The following LRRC8B variants were observed in gnomAD, a reference collection of about 807,000 sequenced individuals.
The protein encoded by LRRC8B is leucine rich repeat containing 8 VRAC subunit B.
A neutral mutation model predicts 58.8 loss-of-function variants in LRRC8B; 23 were observed. The ratio of observed to expected loss-of-function variants is 0.39; its 90% CI spans 0.28 to 0.55. The LOEUF (loss-of-function observed/expected upper bound fraction) is 0.55. Among genes scored for constraint, LRRC8B ranks in the 20% least tolerant of loss-of-function variants. LRRC8B has a pLI of 0.62. For synonymous variants in LRRC8B, 359 were observed against 374.1 expected, an observed-to-expected ratio of 0.96 and a Z score of 0.47; for missense variants, 694 against 936.0, an observed-to-expected ratio of 0.74 and a Z score of 3.37.
chr1:89,539,150 C>T (rs1479721247), intron 1 of LRRC8B, among the ~76,000 whole-genome samples: 1 of 152,072 alleles, frequency 6.6e-6, no homozygotes, highest in Non-Finnish European at 1.5e-5. Context: ...GCAAAGAAAA[C>T]CTATTTTTCT....
chr1:89,530,337 C>T (rs565884453), intron 1 of LRRC8B, among the ~76,000 whole-genome samples: 1 of 150,528 alleles, frequency 6.6e-6, no homozygotes, highest in South Asian at 2.1e-4. Flanking sequence ...CCAGCCTGGG[C>T]GACAGAGCAA....
At position 89,597,701 on chromosome 1, in the gene LRRC8B, G is replaced by A. The variant is rs928772951; in HGVS notation, c.*4658G>A. 1.3e-5 allele frequency: 2 copies of A among 152,058 alleles called. No homozygotes were observed. Among genetic ancestry groups the A allele is most frequent in the African/African-American group, 4.8e-5 (2 of 41,394 alleles). The allele number at this position is 152,058 out of a possible 1,614,324, so 9.4% of individuals were successfully genotyped here. On this transcript the variant is annotated 3_prime_UTR_variant, in exon 6 of 6. Transcript: ENST00000330947. ...TGGAAGATTTTGTTCAATGTTTTTG[G>A]CCCTCAGGTTTACTGTGTAAATCTG...
chr1:89,588,785 G>T (rs1172563195), intron 5 of LRRC8B, among the ~76,000 whole-genome samples: 1 of 152,210 alleles, frequency 6.6e-6, no homozygotes, highest in African/African-American at 2.4e-5. Context: ...TTTAAAACAA[G>T]AGACAAAGAC....
intron 1 of LRRC8B, chr1:89,558,817 C>A (rs1044010546): frequency 6.6e-6 from 1 of 152,174 alleles, no homozygotes. Flanking sequence ...AGAGAACTTA[C>A]CCCTTCAAGC....
At chr1:89,536,924 A>G (rs1234999024) in intron 1 of LRRC8B, among the ~76,000 whole-genome samples, 1 of 152,186 alleles carries the variant, frequency 6.6e-6, no homozygotes, top group East Asian at 1.9e-4. Context: ...CCCAGAATAC[A>G]CACATACTCA....
intron 1 of LRRC8B, among the ~76,000 whole-genome samples, chr1:89,549,458 C>T (rs1329394535): frequency 6.6e-6 from 1 of 152,028 alleles, no homozygotes; most frequent in Non-Finnish European, 1.5e-5. Context: ...GAAAAATATG[C>T]CCTTATGTTT....
At chr1:89,531,285 G>A (rs1570549605) in intron 1 of LRRC8B, among the ~76,000 whole-genome samples, 1 of 152,270 alleles carries the variant, frequency 6.6e-6, no homozygotes, top group Non-Finnish European at 1.5e-5. Flanking sequence ...GAAACAAAGT[G>A]ATAATAGCTT....
rs1655291442 is a variant in LRRC8B, at chr1:89,596,139, C to T, written c.*3096C>T. On this transcript the variant is annotated 3_prime_UTR_variant, in exon 6 of 6. Coordinates refer to ENST00000330947, the MANE Select transcript of LRRC8B (RefSeq NM_001369817.2). ...TTTAATTCATTAATCATGAAGTGCTCTGTTCCCTAAGTTATGACATTTAGA... is the reference window on the plus strand; with the variant it reads ...TTTAATTCATTAATCATGAAGTGCTTTGTTCCCTAAGTTATGACATTTAGA... 6.6e-6 allele frequency: 1 copy of T among 151,938 alleles called. No homozygotes were observed. The highest frequency in any genetic ancestry group is 2.1e-4 in the South Asian group (1 of 4,826). The allele number at this position is 151,938 out of a possible 1,614,324, so 9.4% of individuals were successfully genotyped here.
intron 1 of LRRC8B, among the ~76,000 whole-genome samples, chr1:89,530,381 T>TAATAAATAAATAATA (rs1553153227): frequency 2.0e-5 from 3 of 147,570 alleles, no homozygotes; most frequent in Admixed American, 1.3e-4. Flanking sequence ...AATAAATAAA[T>TAATAAATAAATAATA]AATAAATAAA....
chr1:89,583,125 T>A lies in LRRC8B; in HGVS notation c.475T>A (p.Cys159Ser). ...LEHFVAILHK[C>S]FDSPWTTRAL... ...GCATTTTGTGGCCATCCTTCACAAG[T>A]GCTTCGATTCTCCATGGACCACCCG... Residue 159 changes from cysteine to serine, a missense_variant, in exon 5 of 6, where the codon TGC (cysteine) becomes AGC (serine). By Grantham distance (112) the Cys-to-Ser change is moderately radical. This residue lies in a region of LRRC8B where 316 missense variants were observed against 403.8 expected (regional missense o/e 0.78). Coordinates refer to ENST00000330947, the MANE Select transcript of LRRC8B (RefSeq NM_001369817.2). The surrounding 1 kb of genome is among the most constrained non-coding windows in gnomAD (Gnocchi z 5.2). The A allele has an allele frequency of 6.2e-7, 1 of 1,614,130 alleles. No homozygotes were observed. Among genetic ancestry groups the A allele is most frequent in the Non-Finnish European group, 8.5e-7 (1 of 1,180,038 alleles).
At chr1:89,587,495 T>G (rs1296941321) in intron 5 of LRRC8B, among the ~76,000 whole-genome samples, 1 of 152,100 alleles carries the variant, frequency 6.6e-6, no homozygotes, top group Admixed American at 6.5e-5. Flanking sequence ...ATCTTGCCAC[T>G]GCACTCTAGC....
At chr1:89,538,111 T>C (rs770191894) in intron 1 of LRRC8B, among the ~76,000 whole-genome samples, 65 of 152,266 alleles carry the variant, frequency 4.3e-4, no homozygotes, top group Non-Finnish European at 7.6e-4. Context: ...TGAAAGAGCA[T>C]GGTTAGAACA....
At chr1:89,531,083 A>G (rs1650098043) in intron 1 of LRRC8B, among the ~76,000 whole-genome samples, 1 of 152,224 alleles carries the variant, frequency 6.6e-6, no homozygotes, top group Non-Finnish European at 1.5e-5. Context: ...GAGTGGACAA[A>G]TTTAAGATAA....
chr1:89,557,023 A>C (rs1388317951), intron 1 of LRRC8B, among the ~76,000 whole-genome samples: 1 of 152,224 alleles, frequency 6.6e-6, no homozygotes, highest in Non-Finnish European at 1.5e-5. Context: ...GATTGTGCGC[A>C]TTCTGTTTTT....
chr1:89,573,306 GAA>G (rs879688005), intron 3 of LRRC8B, among the ~76,000 whole-genome samples: 1 of 110,488 alleles, frequency 9.1e-6, no homozygotes, highest in Admixed American at 9.0e-5. Context: ...CTCAAAAAAA[GAA>G]AAAAAAAAAA....
chr1:89,588,325 C>G (rs1374813352), intron 5 of LRRC8B, among the ~76,000 whole-genome samples: 1 of 152,124 alleles, frequency 6.6e-6, no homozygotes, highest in Non-Finnish European at 1.5e-5. Flanking sequence ...TTCTTCAGAG[C>G]CTTTAACATA....
chr1:89,580,989 T>C (rs1331683423), intron 4 of LRRC8B, among the ~76,000 whole-genome samples: 2 of 151,798 alleles, frequency 1.3e-5, no homozygotes, highest in African/African-American at 4.8e-5. Context: ...AGAGGGCAAA[T>C]GAGAGTAAAA....
chr1:89,550,410 A>G (rs1049066369), intron 1 of LRRC8B, among the ~76,000 whole-genome samples: 1 of 152,082 alleles, frequency 6.6e-6, no homozygotes, highest in Non-Finnish European at 1.5e-5. Flanking sequence ...CCCTTTCACA[A>G]ATACCTTTTT....
At chr1:89,561,225 G>C (rs1253991707) in intron 1 of LRRC8B, among the ~76,000 whole-genome samples, 1 of 150,650 alleles carries the variant, frequency 6.6e-6, no homozygotes, top group African/African-American at 2.4e-5. Flanking sequence ...CCCACTTTTT[G>C]ATGGGGTTGT....
Sources: allele counts gnomAD v4.1 joint callset (sites outside exome capture counted in the v4.1 genomes callset), GRCh38; gene constraint gnomAD v4.1.1; regional missense constraint gnomAD v4.1.1; non-coding constraint Gnocchi (gnomAD v3.1); transcripts MANE v1.5; gene names NCBI Gene and HGNC (gene_info 2026-07-23, HGNC 2026-07-21).